Variants in MSRA observed in about 807,000 individuals in gnomAD.
The protein encoded by MSRA is mitochondrial peptide methionine sulfoxide reductase.
Under a neutral mutation model 31.3 loss-of-function variants are expected in MSRA, and 54 were observed. That is an observed-to-expected ratio of 1.73 (90% CI 1.39 to 2.17). MSRA has a LOEUF of 2.17. Among genes scored for constraint, MSRA ranks in the 30% most tolerant of loss-of-function variants. The pLI, the probability that MSRA is intolerant of heterozygous loss-of-function variation, is 0.00. For missense variants in MSRA, 507 were observed against 300.9 expected (o/e 1.69, Z -5.07); for synonymous variants, 169 against 116.5 (o/e 1.45, Z -2.90).
At chr8:10,283,454 C>A (rs913528682) in intron 3 of MSRA, among the ~76,000 whole-genome samples, 1 of 151,782 alleles carries the variant, frequency 6.6e-6, no homozygotes, top group South Asian at 2.1e-4. Flanking sequence ...ATTTTTATTT[C>A]CTTAAGTTTT....
chr8:10,391,254 C>T (rs1353440175), intron 5 of MSRA, among the ~76,000 whole-genome samples: 3 of 152,158 alleles, frequency 2.0e-5, no homozygotes, highest in Non-Finnish European at 2.9e-5. Context: ...GTTTATTTCT[C>T]ATTGCTACAC....
In MSRA at chr8:10,244,991, A is replaced by T. The variant is rs976650972; in HGVS notation, c.212-113A>T. The T allele has an allele frequency of 5.6e-6, 5 of 899,070 alleles. No individual in the cohort carries two copies. The African/African-American group carries it at 8.4e-5, about 15-fold the overall frequency. The allele number at this position is 899,070 out of a possible 1,614,324, so 55.7% of individuals were successfully genotyped here. A position where few individuals can be genotyped will look rare whatever the true frequency, so the allele number is the denominator to read the frequency against. ...AAATCTTAGTCATTTTTGGTTATCA[A>T]ATGACAGGAGCAACTTTTTTTTTTT... is the stretch of plus-strand genomic sequence containing the variant. On this transcript the variant is annotated intron_variant, in intron 2 of 5. Transcript: ENST00000317173.
chr8:10,261,016 T>G (rs1798451364), intron 3 of MSRA, among the ~76,000 whole-genome samples: 2 of 152,196 alleles, frequency 1.3e-5, no homozygotes, highest in Admixed American at 1.3e-4. Context: ...TTGTTCAGCT[T>G]TCAGAATGAA....
intron 5 of MSRA, among the ~76,000 whole-genome samples, chr8:10,330,362 G>A (rs970770537): frequency 1.8e-4 from 28 of 152,230 alleles, no homozygotes; most frequent in East Asian, 9.7e-4. Flanking sequence ...ATTTAGCCAT[G>A]CTATAACCAT....
intron 1 of MSRA, among the ~76,000 whole-genome samples, chr8:10,203,273 G>A (rs1442880053): frequency 1.3e-5 from 2 of 152,130 alleles, no homozygotes; most frequent in Admixed American, 6.6e-5. Flanking sequence ...AAGGGAAGAG[G>A]GGTTGAGATT....
chr8:10,399,898 C>T (rs1043293433), intron 5 of MSRA, among the ~76,000 whole-genome samples: 2 of 152,012 alleles, frequency 1.3e-5, no homozygotes, highest in African/African-American at 4.8e-5. Context: ...GTCTTGGGGG[C>T]AGCATGGAAC....
intron 2 of MSRA, among the ~76,000 whole-genome samples, chr8:10,217,794 T>C (rs1810122913): frequency 6.6e-6 from 1 of 152,198 alleles, no homozygotes; most frequent in South Asian, 2.1e-4. Context: ...AAATCTCCAG[T>C]GAGTCCATTT....
intron 3 of MSRA, among the ~76,000 whole-genome samples, chr8:10,288,590 G>C (rs951262746): frequency 2.6e-5 from 4 of 152,146 alleles, no homozygotes; most frequent in Admixed American, 6.5e-5. Context: ...CACTGTCTAG[G>C]AGGCAAGGCC....
intron 5 of MSRA, among the ~76,000 whole-genome samples, chr8:10,378,836 C>A (rs932761863): frequency 3.2e-4 from 49 of 152,196 alleles, no homozygotes; most frequent in Admixed American, 2.9e-3. Context: ...GATGTGAGAG[C>A]CACTGCATCA....
At chr8:10,349,626 AC>A (rs1804000835) in intron 5 of MSRA, among the ~76,000 whole-genome samples, 1 of 152,190 alleles carries the variant, frequency 6.6e-6, no homozygotes, top group Non-Finnish European at 1.5e-5. Flanking sequence ...GATGAGGAAG[AC>A]CCTGTCTGAG....
intron 3 of MSRA, among the ~76,000 whole-genome samples, chr8:10,257,595 A>G (rs1031877036): frequency 6.6e-6 from 1 of 151,982 alleles, no homozygotes; most frequent in South Asian, 2.1e-4. Context: ...TTTAGTAGAG[A>G]TGGGGTTTCA....
intron 1 of MSRA, among the ~76,000 whole-genome samples, chr8:10,184,521 T>C (rs1474436404): frequency 2.0e-5 from 3 of 152,068 alleles, no homozygotes; most frequent in African/African-American, 7.3e-5. Flanking sequence ...TTGATTTACA[T>C]TGGATTCTAG....
At chr8:10,195,967 C>G (rs1385032175) in intron 1 of MSRA, among the ~76,000 whole-genome samples, 2 of 152,174 alleles carry the variant, frequency 1.3e-5, no homozygotes. Flanking sequence ...TGGTGTTGGT[C>G]TGGAACAGAT....
At chr8:10,236,644 A>G (rs1422843018) in intron 2 of MSRA, among the ~76,000 whole-genome samples, 2 of 152,186 alleles carry the variant, frequency 1.3e-5, no homozygotes, top group Non-Finnish European at 2.9e-5. Context: ...TCCTGAGTTC[A>G]AGCGATTCTC....
intron 2 of MSRA, among the ~76,000 whole-genome samples, chr8:10,233,397 A>G (rs1811660415): frequency 6.6e-6 from 1 of 152,170 alleles, no homozygotes; most frequent in South Asian, 2.1e-4. Context: ...ATATAAATTG[A>G]CTCGAGTTAA....
At chr8:10,414,511 C>G (rs1808342650) in intron 5 of MSRA, among the ~76,000 whole-genome samples, 1 of 152,214 alleles carries the variant, frequency 6.6e-6, no homozygotes, top group South Asian at 2.1e-4. Context: ...CCCTGGCAGC[C>G]AAGACACTTG....
intron 3 of MSRA, among the ~76,000 whole-genome samples, chr8:10,274,902 A>G (rs573387600): frequency 6.6e-6 from 1 of 152,114 alleles, no homozygotes; most frequent in East Asian, 1.9e-4. Flanking sequence ...CGTCCATCCA[A>G]CCATTCGTCT....
intron 1 of MSRA, chr8:10,096,357 G>T: frequency 9.8e-7 from 1 of 1,018,316 alleles, no homozygotes; most frequent in East Asian, 8.3e-5. Context: ...TCTTTGCTCT[G>T]AACCATTTTT....
At chr8:10,246,223 G>A (rs914093353) in intron 3 of MSRA, among the ~76,000 whole-genome samples, 7 of 152,180 alleles carry the variant, frequency 4.6e-5, no homozygotes, top group Non-Finnish European at 7.3e-5. Flanking sequence ...GGTCTGCAAA[G>A]CCTAAAATAT....
Sources: allele counts gnomAD v4.1 joint callset (sites outside exome capture counted in the v4.1 genomes callset), GRCh38; gene constraint gnomAD v4.1.1; transcripts MANE v1.5; gene names NCBI Gene and HGNC (gene_info 2026-07-23, HGNC 2026-07-21).